Variants in NSG2 observed in about 807,000 individuals in gnomAD.
NSG2 encodes neuronal vesicle trafficking-associated protein 2.
A neutral mutation model predicts 16.9 loss-of-function variants in NSG2; 4 were observed. The observed-to-expected ratio is 0.24, with a 90% CI of 0.12 to 0.54. The LOEUF is 0.54. Among genes scored for constraint, NSG2 ranks in the 20% least tolerant of loss-of-function variants. NSG2 has a pLI of 0.95. For synonymous variants in NSG2, 98 were observed against 88.7 expected, an observed-to-expected ratio of 1.11 and a Z score of -0.59; for missense variants, 179 against 221.1, an observed-to-expected ratio of 0.81 and a Z score of 1.21.
intron 1 of NSG2, 24 bp from the exon 2 acceptor site, chr5:174,046,710 C>T (rs938723980): frequency 6.2e-7 from 1 of 1,612,110 alleles, no homozygotes; most frequent in Non-Finnish European, 8.5e-7. Context: ...CCTGCTGTAA[C>T]CAGAATCCCA....
chr5:174,052,858 A>T (rs1426783947), intron 2 of NSG2, among the ~76,000 whole-genome samples: 1 of 152,134 alleles, frequency 6.6e-6, no homozygotes, highest in African/African-American at 2.4e-5. Context: ...GACAGGCACA[A>T]CCCACCTTGG....
At chr5:174,078,371 T>G (rs949808737) in intron 3 of NSG2, among the ~76,000 whole-genome samples, 2 of 152,182 alleles carry the variant, frequency 1.3e-5, no homozygotes, top group Non-Finnish European at 2.9e-5. Context: ...CATTCTCTTG[T>G]ACCTTGCTTC....
chr5:174,064,229 C>A lies in NSG2; in HGVS notation c.130-3C>A. On this transcript the variant is annotated splice_polypyrimidine_tract_variant and splice_region_variant and intron_variant, in intron 2 of 4. Coordinates refer to ENST00000303177, the MANE Select transcript of NSG2 (RefSeq NM_015980.5). ...ATGCTAACACACTGGTTGACTCTTTCAGGTGATTGTGAAGACAAGAACGGA... is the reference window on the plus strand; with the variant it reads ...ATGCTAACACACTGGTTGACTCTTTAAGGTGATTGTGAAGACAAGAACGGA... The A allele has an allele frequency of 6.2e-7, 1 of 1,604,284 alleles. No homozygotes were observed. Among genetic ancestry groups the A allele is most frequent in the South Asian group, 1.1e-5 (1 of 89,452 alleles).
intron 2 of NSG2, chr5:174,056,677 CTT>C (rs1759972365): frequency 6.6e-6 from 1 of 152,230 alleles, no homozygotes; most frequent in African/African-American, 2.4e-5. Flanking sequence ...GAACCTGTCT[CTT>C]TGCTCCAGGG....
At chr5:174,061,134 T>TACAC (rs57892892) in intron 2 of NSG2, among the ~76,000 whole-genome samples, 44 of 151,690 alleles carry the variant, frequency 2.9e-4, no homozygotes, top group African/African-American at 8.0e-4. Flanking sequence ...ATGTATATAT[T>TACAC]ACACACACAC....
intron 2 of NSG2, among the ~76,000 whole-genome samples, chr5:174,051,420 A>C (rs1035318374): frequency 1.3e-5 from 2 of 152,210 alleles, no homozygotes; most frequent in East Asian, 3.9e-4. Context: ...GTATGATGTC[A>C]ATATTAATCT....
intron 3 of NSG2, among the ~76,000 whole-genome samples, chr5:174,098,172 G>T (rs1273659711): frequency 6.6e-6 from 1 of 152,182 alleles, no homozygotes; most frequent in Admixed American, 6.5e-5. Context: ...GCACACAGGG[G>T]CTCCAGGCCT....
intron 2 of NSG2, among the ~76,000 whole-genome samples, chr5:174,061,606 C>A (rs1275972587): frequency 6.6e-6 from 1 of 151,844 alleles, no homozygotes; most frequent in Non-Finnish European, 1.5e-5. Flanking sequence ...TTCCAAAACT[C>A]TTTTTTTTCT....
chr5:174,078,143 GA>G (rs887380960), intron 3 of NSG2, among the ~76,000 whole-genome samples: 2 of 152,114 alleles, frequency 1.3e-5, no homozygotes, highest in African/African-American at 4.8e-5. Flanking sequence ...TACCATATGG[GA>G]CAGCTCAAAT....
intron 3 of NSG2, among the ~76,000 whole-genome samples, chr5:174,079,447 G>A (rs1471855754): frequency 6.6e-6 from 1 of 151,996 alleles, no homozygotes; most frequent in East Asian, 1.9e-4. Context: ...TAGTAGAGAC[G>A]GGGTTTCACC....
chr5:174,075,359 A>G (rs1760320903), intron 3 of NSG2, among the ~76,000 whole-genome samples: 1 of 152,178 alleles, frequency 6.6e-6, no homozygotes. Context: ...GCATACACGT[A>G]TATTCTTTTA....
intron 2 of NSG2, among the ~76,000 whole-genome samples, chr5:174,055,399 C>T (rs1759952833): frequency 6.6e-6 from 1 of 151,856 alleles, no homozygotes; most frequent in African/African-American, 2.4e-5. Context: ...CCAGACCATC[C>T]TGGCTAACAC....
intron 3 of NSG2, among the ~76,000 whole-genome samples, chr5:174,090,441 C>CCCA (rs1418946789): frequency 1.3e-5 from 2 of 152,138 alleles, no homozygotes; most frequent in African/African-American, 4.8e-5. Flanking sequence ...TTGCTTAGCA[C>CCCA]CCACCCAAGT....
At chr5:174,071,960 C>T (rs1345352591) in intron 3 of NSG2, among the ~76,000 whole-genome samples, 1 of 152,124 alleles carries the variant, frequency 6.6e-6, no homozygotes, top group Non-Finnish European at 1.5e-5. Context: ...GAAATGGGGG[C>T]CTTGGCTCCC....
At chr5:174,096,872 G>A (rs747879517) in intron 3 of NSG2, among the ~76,000 whole-genome samples, 29 of 152,154 alleles carry the variant, frequency 1.9e-4, no homozygotes, top group Admixed American at 2.0e-4. Context: ...TGCCACGGCT[G>A]AGGCTGGTCA....
chr5:174,102,753 T>C (rs747433992), intron 3 of NSG2, among the ~76,000 whole-genome samples: 1 of 81,858 alleles, frequency 1.2e-5, no homozygotes, highest in Admixed American at 1.1e-4. Context: ...TGCTTTGTTT[T>C]TTTTATTTAT....
intron 3 of NSG2, among the ~76,000 whole-genome samples, chr5:174,097,685 CTG>C (rs545308216): frequency 1.0e-3 from 146 of 144,240 alleles, no homozygotes; most frequent in Non-Finnish European, 1.9e-3. Flanking sequence ...GTGTCTCTGT[CTG>C]TGTAACTGTG....
chr5:174,103,099 T>C (rs1760926857), intron 3 of NSG2, among the ~76,000 whole-genome samples: 1 of 151,794 alleles, frequency 6.6e-6, no homozygotes, highest in Admixed American at 6.6e-5. Context: ...CCTGCTTTGT[T>C]TTAGATTTTA....
intron 3 of NSG2, among the ~76,000 whole-genome samples, chr5:174,067,278 A>G (rs1277265525): frequency 3.3e-5 from 5 of 152,212 alleles, no homozygotes; most frequent in Admixed American, 2.0e-4. Context: ...ATAATCCCCT[A>G]TGGCTCCGAG....
Sources: gnomAD v4.1 joint callset for allele counts (sites outside exome capture counted in the v4.1 genomes callset) on GRCh38, gnomAD v4.1.1 for gene constraint, MANE v1.5 for transcripts, NCBI Gene and HGNC (gene_info 2026-07-23, HGNC 2026-07-21) for gene names.